ZPR1: variants seen among roughly 807,000 people sequenced by gnomAD.
ZPR1 encodes ZPR1 zinc finger, also known as zinc finger protein ZPR1.
Under a neutral mutation model 59.6 loss-of-function variants are expected in ZPR1, and 37 were observed. The ratio of observed to expected loss-of-function variants is 0.62; its 90% confidence interval spans 0.48 to 0.82. ZPR1 has a LOEUF of 0.82. Among genes scored for constraint, ZPR1 ranks in the 40% least tolerant of loss-of-function variants. ZPR1 has a pLI of 0.00. For missense variants in ZPR1, 527 were observed against 579.9 expected (o/e 0.91, Z 0.94); for synonymous variants, 191 against 215.2 (o/e 0.89, Z 0.99).
chr11:116,784,816 G>A, intron 8 of ZPR1, 39 bp downstream of exon 8: 2 of 1,599,618 alleles, frequency 1.3e-6, no homozygotes, highest in Non-Finnish European at 1.7e-6. Context: ...TCATGCCTGA[G>A]TCAGATGAAG....
In ZPR1 at chr11:116,779,606, C is replaced by T. The variant is rs1312708927; in HGVS notation, c.1245+166G>A. On this transcript the variant is annotated intron_variant, in intron 13 of 13. Transcript: ENST00000227322. ...TACATACACTTAAAAAAAAAATCCC[C>T]TCCCACACCCCCCTCTTTTCTCCCT... Among the ~76,000 whole-genome samples, 5 of 151,938 alleles carry T rather than the reference C, an allele frequency of 3.3e-5. No individual in the cohort carries two copies. In the East Asian group the frequency reaches 9.6e-4, roughly 29 times the overall value.
intron 7 of ZPR1, 77 bp downstream of exon 7, chr11:116,785,022 A>C (rs544368469): frequency 6.2e-7 from 1 of 1,608,276 alleles, no homozygotes; most frequent in African/African-American, 1.3e-5. Flanking sequence ...GTTGGTGACA[A>C]GGAAGACAGA....
chr11:116,785,840 CA>C lies in ZPR1; in HGVS notation c.537del (p.Ile179MetfsTer4). On this transcript the variant is annotated frameshift_variant, in exon 5 of 14. Coordinates refer to ENST00000227322, the MANE Select transcript of ZPR1 (RefSeq NM_003904.5). LOFTEE classifies it high-confidence loss of function. Reference protein sequence around the residue: ...DATAERIDEFIVKLKELKQVA... With the variant: ...DATAERIDEFXVKLKELKQVA... ...ACTTGCTTTAGCTCCTTCAGTTTGACAATGAACTCATCAATTCTTTCAGCTG... is the reference window on the plus strand; with the variant it reads ...ACTTGCTTTAGCTCCTTCAGTTTGACATGAACTCATCAATTCTTTCAGCTG... 6.2e-7 allele frequency: 1 copy of C among 1,614,226 alleles called. No homozygotes were observed. The highest frequency in any genetic ancestry group is 1.3e-5 in the African/African-American group (1 of 75,062).
intron 9 of ZPR1, among the ~76,000 whole-genome samples, chr11:116,784,072 C>A (rs572378829): frequency 6.6e-6 from 1 of 152,130 alleles, no homozygotes; most frequent in South Asian, 2.1e-4. Flanking sequence ...CTATTGAGTT[C>A]TTCATTGTGA....
intron 13 of ZPR1, 150 bp from the exon 14 acceptor site, chr11:116,779,209 T>A: frequency 9.0e-7 from 1 of 1,113,732 alleles, no homozygotes; most frequent in Non-Finnish European, 1.3e-6. Flanking sequence ...ACTGAACTAG[T>A]GGGTAGCAAC....
rs1428388654 is a variant in ZPR1 at position 116,778,733 on chromosome 11, A to G, written c.*192T>C. The G allele has an allele frequency of 1.4e-6, 1 of 704,944 alleles. No homozygotes were observed. Among genetic ancestry groups the G allele is most frequent in the East Asian group, 2.9e-5 (1 of 34,564 alleles). 43.7% of individuals were successfully genotyped at this position (704,944 alleles called of 1,614,324 possible). On this transcript the variant is annotated 3_prime_UTR_variant, in exon 14 of 14. Transcript: ENST00000227322. ...AAAACTTCCAAAATAAGGTCAAGTA[A>G]CACAATAGGCTCACACTTGCATCAC...
At position 116,783,530 on chromosome 11, in the gene ZPR1, C is replaced by G. The variant is rs925789949; in HGVS notation, c.981G>C (p.Lys327Asn). ...DASDMTRDLL[K>N]SETCSVEIPE... ...GTGACTTTCCCAAGCAGACTGTTACCTTGAGGAGGTCTCTGGTCATATCTG... is the reference window on the plus strand; with the variant it reads ...GTGACTTTCCCAAGCAGACTGTTACGTTGAGGAGGTCTCTGGTCATATCTG... The change falls in exon 10 of 14, where the codon AAG becomes AAC. Residue 327 changes from lysine (K) to asparagine (N), a missense_variant and splice_region_variant. By Grantham distance (94) the Lys-to-Asn change is moderately conservative. Transcript: ENST00000227322. 1 of 1,613,442 alleles carries G rather than the reference C, an allele frequency of 6.2e-7. No individual in the cohort carries two copies. The highest frequency in any genetic ancestry group is 1.3e-5 in the African/African-American group (1 of 74,874).
intron 12 of ZPR1, among the ~76,000 whole-genome samples, chr11:116,781,598 T>C (rs1451741033): frequency 6.6e-6 from 1 of 152,198 alleles, no homozygotes; most frequent in Non-Finnish European, 1.5e-5. Flanking sequence ...AATAAAGACA[T>C]GTTCAGATGT....
At chr11:116,783,797 G>C (rs182492768) in intron 9 of ZPR1, among the ~76,000 whole-genome samples, 178 bp from the exon 10 acceptor site, 295 of 149,748 alleles carry the variant, frequency 2.0e-3, no homozygotes, top group African/African-American at 7.2e-3. Flanking sequence ...GCCAGGAACA[G>C]TGCCCAACCC....
At position 116,775,615 on chromosome 11, in the gene ZPR1, G is replaced by A. The variant is rs1286495183; in HGVS notation, c.*3310C>T. On this transcript the variant is annotated 3_prime_UTR_variant, in exon 14 of 14. Transcript: ENST00000227322. ...TGCACTCCAGTCTGGGCAACAGAGT[G>A]AGACTCCGTCTCAAAAAAAAAAAAA... The A allele has an allele frequency of 1.6e-5, 2 of 121,794 alleles. No homozygotes were observed. The highest frequency in any genetic ancestry group is 3.4e-5 in the African/African-American group (1 of 29,156). 7.5% of individuals were successfully genotyped at this position (121,794 alleles called of 1,614,324 possible).
intron 9 of ZPR1, 114 bp downstream of exon 9, chr11:116,784,264 C>T: frequency 9.3e-7 from 1 of 1,077,038 alleles, no homozygotes. Context: ...AAGAAAAAGA[C>T]CCAAGCTACT....
chr11:116,775,985 C>G lies in ZPR1; in HGVS notation c.*2940G>C, dbSNP rs572624481. 3 of 152,230 alleles carry G rather than the reference C, an allele frequency of 2.0e-5. No homozygotes were observed. The highest frequency in any genetic ancestry group is 7.2e-5 in the African/African-American group (3 of 41,452). The allele number at this position is 152,230 out of a possible 1,614,324, so 9.4% of individuals were successfully genotyped here. On this transcript the variant is annotated 3_prime_UTR_variant, in exon 14 of 14. Transcript: ENST00000227322. ...GCATCAGGCACATACCACAGGTGTA[C>G]AAAGAAGGAAATATACTGATGTTAG...
intron 4 of ZPR1, 115 bp downstream of exon 4, chr11:116,786,396 C>A: frequency 8.9e-7 from 1 of 1,118,528 alleles, no homozygotes; most frequent in South Asian, 1.3e-5. Flanking sequence ...TCCAGCACCA[C>A]CATATGCTTA....
In ZPR1 at chr11:116,785,503, A is replaced by G. The variant is rs368000707; in HGVS notation, c.705+11T>C. ...TCCAGAGCATTCTTCTGGATCCTTC[A>G]GTCCACTTACTTGAAGCCCCAGCAT... On this transcript the variant is annotated intron_variant, in intron 6 of 13. Transcript: ENST00000227322. 2 of 1,613,264 alleles carry G rather than the reference A, an allele frequency of 1.2e-6. No homozygotes were observed. Among genetic ancestry groups the G allele is most frequent in the Non-Finnish European group, 1.7e-6 (2 of 1,179,802 alleles).
rs1031191609 is a variant in ZPR1, at chr11:116,776,710, C to G, written c.*2215G>C. 6.6e-6 allele frequency: 1 copy of G among 152,198 alleles called. No homozygotes were observed. The highest frequency in any genetic ancestry group is 2.4e-5 in the African/African-American group (1 of 41,436). 9.4% of individuals were successfully genotyped at this position (152,198 alleles called of 1,614,324 possible). A position where few individuals can be genotyped will look rare whatever the true frequency, so the allele number is the denominator to read the frequency against. ...GATTGCCTCACACCAACCAAACTCA[C>G]AAGAGATTCAGTAATAAGCCAGAGT... is the stretch of plus-strand genomic sequence containing the variant. On this transcript the variant is annotated 3_prime_UTR_variant, in exon 14 of 14. Coordinates refer to ENST00000227322, the MANE Select transcript of ZPR1 (RefSeq NM_003904.5).
intron 7 of ZPR1, 46 bp downstream of exon 7, chr11:116,785,053 A>G: frequency 6.2e-7 from 1 of 1,612,380 alleles, no homozygotes; most frequent in Non-Finnish European, 8.5e-7. Flanking sequence ...CATCAGTCTC[A>G]GCCCACAACT....
Position 116,776,207 on chromosome 11 carries a change from G to T in ZPR1, c.*2718C>A, listed in dbSNP as rs766190858. On this transcript the variant is annotated 3_prime_UTR_variant, in exon 14 of 14. Coordinates refer to ENST00000227322, the MANE Select transcript of ZPR1 (RefSeq NM_003904.5). ...TACTTGACCCATGAAAGTAGGAGGC[G>T]TGCCCTCATGCATGAACCACTTTCC... 3.3e-5 allele frequency: 5 copies of T among 152,226 alleles called. No individual in the cohort carries two copies. The highest frequency in any genetic ancestry group is 7.3e-5 in the Non-Finnish European group (5 of 68,052). The allele number at this position is 152,226 out of a possible 1,614,324, so 9.4% of individuals were successfully genotyped here. A position where few individuals can be genotyped will look rare whatever the true frequency, so the allele number is the denominator to read the frequency against.
chr11:116,783,024 C>T lies in ZPR1; in HGVS notation c.987G>A (p.Glu329=), dbSNP rs749388400. The T allele has an allele frequency of 8.1e-6, 13 of 1,613,596 alleles. No homozygotes were observed. The highest frequency in any genetic ancestry group is 8.5e-7 in the Non-Finnish European group (1 of 1,179,594). The stretch of plus-strand genomic sequence containing the variant: ...GCTCTGGGATTTCCACACTGCAAGT[C>T]TCAGACTGTGAAATGAGAGGTCAGT... The part of the protein sequence containing the change: ...SDMTRDLLKS[E]TCSVEIPELE... Residue 329 remains glutamate (E), a synonymous_variant, in exon 11 of 14, where the codon GAG becomes GAA. Coordinates refer to ENST00000227322, the MANE Select transcript of ZPR1 (RefSeq NM_003904.5).
intron 1 of ZPR1, 81 bp from the exon 2 acceptor site, chr11:116,787,724 G>A: frequency 6.5e-7 from 1 of 1,538,214 alleles, no homozygotes; most frequent in Non-Finnish European, 8.8e-7. Context: ...CGCTCCTCGG[G>A]GTCCCCGGCC....
Sources: allele counts gnomAD v4.1 joint callset (sites outside exome capture counted in the v4.1 genomes callset), GRCh38; gene constraint gnomAD v4.1.1; transcripts MANE v1.5; gene names NCBI Gene and HGNC (gene_info 2026-07-23, HGNC 2026-07-21).